The following SMARCAL1 variants were observed in gnomAD, a reference collection of about 807,000 sequenced individuals.
The protein encoded by SMARCAL1 is SNF2 related chromatin remodeling annealing helicase 1.
In SMARCAL1, 58 loss-of-function variants were observed where a neutral mutation model predicts 94.5. The ratio of observed to expected loss-of-function variants is 0.61; its 90% CI spans 0.50 to 0.76. SMARCAL1 has a LOEUF of 0.76. SMARCAL1 is among the 30% of genes least tolerant of loss of function. The pLI, the probability that SMARCAL1 is intolerant of heterozygous loss-of-function variation, is 0.00. For synonymous variants in SMARCAL1, 422 were observed against 455.1 expected, an observed-to-expected ratio of 0.93 and a Z score of 0.93; for missense variants, 1,051 against 1,177.9, an observed-to-expected ratio of 0.89 and a Z score of 1.58.
intron 6 of SMARCAL1, 29 bp from the exon 7 acceptor site, chr2:216,428,567 A>G (rs201432968): frequency 2.5e-6 from 4 of 1,609,930 alleles, no homozygotes; most frequent in Non-Finnish European, 3.4e-6. Context: ...TGAACACTCC[A>G]GCTCATATGC....
At chr2:216,441,801 T>TC in intron 10 of SMARCAL1, among the ~76,000 whole-genome samples, 1 of 152,270 alleles carries the variant, frequency 6.6e-6, no homozygotes, top group Middle Eastern at 3.4e-3. Context: ...GGCTTTTTTT[T>TC]CCCACATGAC....
At chr2:216,451,138 A>G in intron 12 of SMARCAL1, 74 bp downstream of exon 12, 1 of 1,178,342 alleles carries the variant, frequency 8.5e-7, no homozygotes, top group Non-Finnish European at 1.3e-6. Flanking sequence ...GCCCTTGAAA[A>G]TGACCTGGCA....
chr2:216,449,707 C>T (rs1230557833), intron 11 of SMARCAL1, among the ~76,000 whole-genome samples: 1 of 152,130 alleles, frequency 6.6e-6, no homozygotes, highest in Non-Finnish European at 1.5e-5. Flanking sequence ...AGCTCATCAG[C>T]CAGGAGGGGA....
intron 4 of SMARCAL1, 133 bp downstream of exon 4, chr2:216,416,440 C>A: frequency 1.3e-6 from 1 of 757,290 alleles, no homozygotes; most frequent in Non-Finnish European, 2.4e-6. Context: ...CCCCCCAACA[C>A]TCCTTCCCAC....
At position 216,423,779 on chromosome 2, in the gene SMARCAL1, C is replaced by T. The variant is rs377154847; in HGVS notation, c.1147+96C>T. On this transcript the variant is annotated intron_variant, in intron 6 of 17. Transcript: ENST00000357276. The stretch of plus-strand genomic sequence containing the variant: ...GTATTTTTGAAGAATCTTCTCCTCC[C>T]TTTGCTGTGGTGGGATGCTTGAGTA... 4 of 1,140,476 alleles carry T rather than the reference C, an allele frequency of 3.5e-6. No individual in the cohort carries two copies. In the African/African-American group the frequency reaches 4.6e-5, roughly 13 times the overall value. 70.6% of individuals were successfully genotyped at this position (1,140,476 alleles called of 1,614,324 possible). A position where few individuals can be genotyped will look rare whatever the true frequency, so the allele number is the denominator to read the frequency against.
intron 14 of SMARCAL1, among the ~76,000 whole-genome samples, chr2:216,471,345 A>G (rs887136647): frequency 6.6e-6 from 1 of 151,690 alleles, no homozygotes; most frequent in African/African-American, 2.4e-5. Context: ...TGACACATAC[A>G]CAGTGATTAA....
At chr2:216,455,515 G>A (rs1022714489) in intron 12 of SMARCAL1, among the ~76,000 whole-genome samples, 3 of 152,286 alleles carry the variant, frequency 2.0e-5, no homozygotes, top group South Asian at 2.1e-4. Context: ...CCAGAAGAAC[G>A]ATCAGGCAGC....
chr2:216,477,553 A>C (rs2106089112), intron 16 of SMARCAL1, among the ~76,000 whole-genome samples: 1 of 152,320 alleles, frequency 6.6e-6, no homozygotes, highest in African/African-American at 2.4e-5. Flanking sequence ...GGCATTTGTT[A>C]GGACAGGGTG....
intron 9 of SMARCAL1, 60 bp downstream of exon 9, chr2:216,435,556 G>A (rs536864120): frequency 1.4e-5 from 20 of 1,466,014 alleles, no homozygotes; most frequent in Admixed American, 1.7e-5. Context: ...CTTTGTAAAA[G>A]CTCTGAGAAC....
At chr2:216,430,506 T>C (rs1173704114) in intron 7 of SMARCAL1, among the ~76,000 whole-genome samples, 1 of 152,258 alleles carries the variant, frequency 6.6e-6, no homozygotes. Flanking sequence ...GATTAATTTC[T>C]GAGTATGACA....
chr2:216,420,040 AAAAAAAAGAAAAAAAAAAAAG>A (rs906311799), intron 4 of SMARCAL1, among the ~76,000 whole-genome samples: 2 of 148,576 alleles, frequency 1.3e-5, no homozygotes, highest in Non-Finnish European at 3.0e-5. Context: ...AAAAAAAAAA[AAAAAAAAGAAAAAAAAAAAAG>A]AAAAACTTAC....
At chr2:216,478,861 C>T (rs1476289164) in intron 17 of SMARCAL1, among the ~76,000 whole-genome samples, 1 of 110,684 alleles carries the variant, frequency 9.0e-6, no homozygotes, top group African/African-American at 5.9e-5. Context: ...CCTTTGAGCT[C>T]AGCCCTTGTT....
At chr2:216,454,871 CA>C (rs1433836093) in intron 12 of SMARCAL1, among the ~76,000 whole-genome samples, 2 of 152,178 alleles carry the variant, frequency 1.3e-5, no homozygotes, top group Non-Finnish European at 2.9e-5. Flanking sequence ...GTGGGTGCAG[CA>C]CACCGAGCGT....
Position 216,477,087 on chromosome 2 carries a change from G to T in SMARCAL1, c.2428-22G>T, listed in dbSNP as rs143750936. 950 of 1,553,374 alleles carry T rather than the reference G, an allele frequency of 6.1e-4. 1 individual carries two copies. Among genetic ancestry groups the T allele is most frequent in the Non-Finnish European group, 7.7e-4 (879 of 1,147,798 alleles). On this transcript the variant is annotated intron_variant, in intron 15 of 17. Coordinates refer to ENST00000357276, the MANE Select transcript of SMARCAL1 (RefSeq NM_014140.4). Reference sequence around the variant, plus strand: ...AACTGCTTCAGGCCTTTACCTGCCTGTCTCAATTCCTGGACACACAGGTGC... The same window carrying T: ...AACTGCTTCAGGCCTTTACCTGCCTTTCTCAATTCCTGGACACACAGGTGC...
chr2:216,466,595 G>A (rs980063450), intron 13 of SMARCAL1, among the ~76,000 whole-genome samples: 7 of 152,064 alleles, frequency 4.6e-5, no homozygotes, highest in African/African-American at 1.4e-4. Context: ...GGTTATTGTG[G>A]TAGGCAGATA....
At chr2:216,428,515 A>G in intron 6 of SMARCAL1, 81 bp from the exon 7 acceptor site, 1 of 1,371,968 alleles carries the variant, frequency 7.3e-7, no homozygotes, top group South Asian at 1.2e-5. Flanking sequence ...GGAAGGAAAT[A>G]TATATATCCC....
At chr2:216,473,943 T>A (rs1695016102) in intron 14 of SMARCAL1, among the ~76,000 whole-genome samples, 1 of 152,104 alleles carries the variant, frequency 6.6e-6, no homozygotes, top group Non-Finnish European at 1.5e-5. Context: ...TCAACTCAGA[T>A]GTCCTTCAAC....
chr2:216,468,142 G>T, intron 14 of SMARCAL1, 96 bp downstream of exon 14: 2 of 817,176 alleles, frequency 2.4e-6, no homozygotes, highest in Admixed American at 3.6e-5. Context: ...TGAGACCGAT[G>T]GCTTCCGGAA....
At chr2:216,457,677 C>G (rs1344742425) in intron 12 of SMARCAL1, among the ~76,000 whole-genome samples, 1 of 152,214 alleles carries the variant, frequency 6.6e-6, no homozygotes, top group Admixed American at 6.5e-5. Flanking sequence ...CTCTGGGACA[C>G]ATTTAAAGCA....
Sources: allele counts gnomAD v4.1 joint callset (sites outside exome capture counted in the v4.1 genomes callset), GRCh38; gene constraint gnomAD v4.1.1; transcripts MANE v1.5; gene names NCBI Gene and HGNC (gene_info 2026-07-23, HGNC 2026-07-21).